Variants in ZFHX3 observed in about 807,000 individuals in gnomAD.
The protein encoded by ZFHX3 is zinc finger homeobox 3, also known as zinc finger homeobox protein 3.
A neutral mutation model predicts 279.1 loss-of-function variants in ZFHX3; 42 were observed. That is an observed-to-expected ratio of 0.15 (90% CI 0.12 to 0.19). The LOEUF is 0.19. Among genes scored for constraint, ZFHX3 ranks in the 10% least tolerant of loss-of-function variants. ZFHX3 has a pLI of 1.00. For missense variants in ZFHX3, 4,981 were observed against 4,754.0 expected, an observed-to-expected ratio of 1.05 and a Z score of -1.40; for synonymous variants, 2,293 against 1,957.8, an observed-to-expected ratio of 1.17 and a Z score of -4.52.
intron 3 of ZFHX3, among the ~76,000 whole-genome samples, chr16:73,410,235 G>T (rs1345641930): frequency 3.9e-5 from 6 of 152,128 alleles, no homozygotes; most frequent in Admixed American, 3.9e-4. Context: ...GACCAACATG[G>T]TGAAACCCCA....
intron 1 of ZFHX3, among the ~76,000 whole-genome samples, chr16:73,847,397 C>T (rs1215167084): frequency 6.6e-6 from 1 of 152,114 alleles, no homozygotes; most frequent in Non-Finnish European, 1.5e-5. Flanking sequence ...TTGGCTGGTC[C>T]CTGGAAAATG....
intron 1 of ZFHX3, among the ~76,000 whole-genome samples, chr16:73,734,514 T>C (rs1265818979): frequency 6.6e-6 from 1 of 152,134 alleles, no homozygotes; most frequent in African/African-American, 2.4e-5. Context: ...TGTAAAAATA[T>C]TTTGGCTGAA....
At chr16:72,845,044 C>T (rs765525167) in intron 4 of ZFHX3, among the ~76,000 whole-genome samples, 28 of 152,124 alleles carry the variant, frequency 1.8e-4, no homozygotes, top group Non-Finnish European at 3.2e-4. Context: ...ATGAGGGGAA[C>T]GAGGGAGGCC....
At chr16:72,808,373 T>C (rs1215012651) in intron 7 of ZFHX3, among the ~76,000 whole-genome samples, 1 of 151,912 alleles carries the variant, frequency 6.6e-6, no homozygotes, top group African/African-American at 2.4e-5. Flanking sequence ...AGGCCTGAGA[T>C]AGAAATGCAT....
intron 5 of ZFHX3, among the ~76,000 whole-genome samples, chr16:73,169,843 GT>G (rs1967477616): frequency 6.6e-6 from 1 of 152,182 alleles, no homozygotes; most frequent in Admixed American, 6.5e-5. Flanking sequence ...GATCAAAGCT[GT>G]TTTTTCTTGA....
At chr16:72,803,802 G>C (rs984666322) in intron 7 of ZFHX3, among the ~76,000 whole-genome samples, 1 of 152,146 alleles carries the variant, frequency 6.6e-6, no homozygotes, top group Non-Finnish European at 1.5e-5. Flanking sequence ...GAAGACAAAA[G>C]TTTTTCTGGT....
chr16:73,135,766 G>A (rs889119275), intron 6 of ZFHX3, among the ~76,000 whole-genome samples: 9 of 152,144 alleles, frequency 5.9e-5, no homozygotes, highest in African/African-American at 2.2e-4. Flanking sequence ...TTCAACTAAA[G>A]TTGAGTAGCA....
chr16:73,675,817 C>T (rs976835853), intron 2 of ZFHX3, among the ~76,000 whole-genome samples: 7 of 151,916 alleles, frequency 4.6e-5, no homozygotes, highest in Admixed American at 2.6e-4. Context: ...TACACATACA[C>T]GCACGCACAT....
chr16:73,217,015 T>C (rs544129888), intron 5 of ZFHX3, among the ~76,000 whole-genome samples: 3 of 152,344 alleles, frequency 2.0e-5, no homozygotes, highest in South Asian at 4.1e-4. Context: ...TGCTCTAATG[T>C]TGACCCACTG....
At position 73,766,612 on chromosome 16, in the gene ZFHX3, G is replaced by A. The variant is rs76385344; in HGVS notation, c.-1607-86372C>T. ...AAGAAGAGCTGAAGCTCTGGAGCTA[G>A]CTTTGGTGGAGAAAGAATGATGCGG... On this transcript the variant is annotated intron_variant, in intron 1 of 17. Coordinates refer to the ZFHX3 transcript ENST00000641206. 2.6e-4 allele frequency among the ~76,000 whole-genome samples: 39 copies of A among 152,342 alleles called. No homozygotes were observed. In the East Asian group the frequency reaches 7.3e-3, roughly 29 times the overall value.
intron 1 of ZFHX3, among the ~76,000 whole-genome samples, chr16:73,054,931 A>ATGTGT (rs1965517691): frequency 6.6e-6 from 1 of 152,130 alleles, no homozygotes; most frequent in Admixed American, 6.5e-5. Flanking sequence ...AATACAGAAA[A>ATGTGT]TGTGTTGCTT....
chr16:73,300,353 T>C (rs918324979), intron 4 of ZFHX3, among the ~76,000 whole-genome samples: 3 of 151,992 alleles, frequency 2.0e-5, no homozygotes, highest in African/African-American at 4.8e-5. Context: ...TGAGGTTTGA[T>C]GTGTTTCAAA....
At chr16:72,903,868 A>G (rs1463678550) in intron 3 of ZFHX3, among the ~76,000 whole-genome samples, 2 of 152,210 alleles carry the variant, frequency 1.3e-5, no homozygotes, top group African/African-American at 4.8e-5. Flanking sequence ...GACCCAGCTC[A>G]CAGACCACTC....
chr16:73,292,120 A>C (rs1259131974), intron 4 of ZFHX3, among the ~76,000 whole-genome samples: 1 of 152,160 alleles, frequency 6.6e-6, no homozygotes, highest in Non-Finnish European at 1.5e-5. Flanking sequence ...ATTGGGGAGG[A>C]AACCCTAAAA....
At chr16:73,426,121 C>A (rs2017806250) in intron 3 of ZFHX3, among the ~76,000 whole-genome samples, 1 of 152,166 alleles carries the variant, frequency 6.6e-6, no homozygotes, top group East Asian at 1.9e-4. Flanking sequence ...ACTGGGCCGC[C>A]CATGAGCCCT....
At chr16:72,890,259 A>T (rs1028301214) in intron 3 of ZFHX3, among the ~76,000 whole-genome samples, 1 of 152,124 alleles carries the variant, frequency 6.6e-6, no homozygotes, top group African/African-American at 2.4e-5. Context: ...ATGAGATCTG[A>T]TAGTTTTATA....
chr16:73,377,672 T>C (rs549423552), intron 3 of ZFHX3, among the ~76,000 whole-genome samples: 1 of 141,004 alleles, frequency 7.1e-6, no homozygotes, highest in African/African-American at 2.6e-5. Flanking sequence ...CCTTAACATT[T>C]AAGTGACTCC....
chr16:73,290,597 C>T (rs2014743811), intron 4 of ZFHX3, among the ~76,000 whole-genome samples: 1 of 152,122 alleles, frequency 6.6e-6, no homozygotes, highest in African/African-American at 2.4e-5. Context: ...AAAAGGACCC[C>T]AACTGGGTGT....
intron 1 of ZFHX3, among the ~76,000 whole-genome samples, chr16:73,867,872 G>A (rs778137483): frequency 6.6e-6 from 1 of 152,162 alleles, no homozygotes; most frequent in African/African-American, 2.4e-5. Flanking sequence ...CTTGACCAAG[G>A]TGATGTCCTC....
Sources: gnomAD v4.1 joint callset for allele counts (sites outside exome capture counted in the v4.1 genomes callset) on GRCh38, gnomAD v4.1.1 for gene constraint, MANE v1.5 for transcripts, NCBI Gene and HGNC (gene_info 2026-07-23, HGNC 2026-07-21) for gene names.